The following PLXNC1 variants were observed in gnomAD, a reference collection of about 807,000 sequenced individuals.
The protein encoded by PLXNC1 is plexin C1.
In PLXNC1, 75 loss-of-function variants were observed where a neutral mutation model predicts 178.2. The ratio of observed to expected loss-of-function variants is 0.42; its 90% CI spans 0.35 to 0.51. The LOEUF (loss-of-function observed/expected upper bound fraction) is 0.51. PLXNC1 is among the 20% of genes least tolerant of loss of function. PLXNC1 has a pLI of 0.02. For synonymous variants in PLXNC1, 790 were observed against 779.9 expected, an observed-to-expected ratio of 1.01 and a Z score of -0.22; for missense variants, 1,503 against 1,984.4, an observed-to-expected ratio of 0.76 and a Z score of 4.61.
At chr12:94,223,387 G>A (rs1963848710) in intron 6 of PLXNC1, among the ~76,000 whole-genome samples, 1 of 152,238 alleles carries the variant, frequency 6.6e-6, no homozygotes, top group South Asian at 2.1e-4. Flanking sequence ...GCTATTCTGT[G>A]TTGTGGCCCC....
chr12:94,173,090 A>G (rs1326405598), intron 2 of PLXNC1, among the ~76,000 whole-genome samples: 5 of 152,104 alleles, frequency 3.3e-5, no homozygotes, highest in African/African-American at 7.2e-5. Flanking sequence ...TTTTCGGAAC[A>G]TGATTGCATG....
At chr12:94,196,773 A>G (rs1361622898) in intron 4 of PLXNC1, among the ~76,000 whole-genome samples, 1 of 152,182 alleles carries the variant, frequency 6.6e-6, no homozygotes, top group Admixed American at 6.5e-5. Context: ...TACATTAGAC[A>G]CTACCTTGCA....
chr12:94,244,557 G>A (rs1364137538), intron 12 of PLXNC1, among the ~76,000 whole-genome samples: 1 of 152,208 alleles, frequency 6.6e-6, no homozygotes, highest in Non-Finnish European at 1.5e-5. Flanking sequence ...GAAATGGTAG[G>A]AGGGGTCTGG....
chr12:94,149,196 C>G lies in PLXNC1; in HGVS notation c.225C>G (p.Ser75Arg), dbSNP rs554049878. 1.3e-6 allele frequency: 2 copies of G among 1,587,712 alleles called. No individual in the cohort carries two copies. Among genetic ancestry groups the G allele is most frequent in the African/African-American group, 2.8e-5 (2 of 71,612 alleles). Reference sequence around the variant, plus strand: ...AGCTGGACTACAGCCTGGAGCACAGCCTCTCGCGCCTGTACCGGGACCAAG... The same window carrying G: ...AGCTGGACTACAGCCTGGAGCACAGGCTCTCGCGCCTGTACCGGGACCAAG... ...LDQLDYSLEH[S>R]LSRLYRDQAG... Residue 75 changes from serine (S) to arginine (R), a missense_variant, in exon 1 of 31, where the codon AGC (serine) becomes AGG (arginine). Physicochemically the swap from Ser to Arg is moderately radical, Grantham distance 110. Coordinates refer to ENST00000258526, the MANE Select transcript of PLXNC1 (RefSeq NM_005761.3).
At chr12:94,280,701 A>T (rs959081469) in intron 22 of PLXNC1, among the ~76,000 whole-genome samples, 1 of 152,030 alleles carries the variant, frequency 6.6e-6, no homozygotes, top group Non-Finnish European at 1.5e-5. Context: ...CTGACCCCAG[A>T]CCCCCAGCTT....
chr12:94,212,333 T>C (rs1206790463), intron 5 of PLXNC1, among the ~76,000 whole-genome samples: 5 of 151,676 alleles, frequency 3.3e-5, no homozygotes, highest in Non-Finnish European at 7.4e-5. Context: ...ATTATTGTTA[T>C]TATTTATTAT....
intron 1 of PLXNC1, chr12:94,158,133 C>A (rs549417618): frequency 1.3e-5 from 2 of 152,138 alleles, no homozygotes; most frequent in African/African-American, 4.8e-5. Context: ...GCAAGAGAGA[C>A]GTGACCAAAA....
intron 4 of PLXNC1, among the ~76,000 whole-genome samples, chr12:94,202,912 G>A (rs1245615634): frequency 2.0e-5 from 3 of 152,196 alleles, no homozygotes; most frequent in Non-Finnish European, 4.4e-5. Context: ...CATGTAGACA[G>A]GAGAGTCTGG....
intron 1 of PLXNC1, among the ~76,000 whole-genome samples, chr12:94,152,044 A>G (rs1412336209): frequency 6.6e-6 from 1 of 152,242 alleles, no homozygotes; most frequent in Non-Finnish European, 1.5e-5. Flanking sequence ...GCTGCTATTT[A>G]TCAAGAACTC....
At chr12:94,293,657 C>T (rs542035067) in intron 23 of PLXNC1, among the ~76,000 whole-genome samples, 5 of 152,286 alleles carry the variant, frequency 3.3e-5, no homozygotes, top group African/African-American at 1.2e-4. Context: ...CTCACTCTGT[C>T]GCCCAGGCTG....
chr12:94,265,364 A>C lies in PLXNC1; in HGVS notation c.3597+139A>C. ...GTGTGTTTAGTTAATTAAAAACAGT[A>C]GTTGATAAAACTGTTAACACGTGTT... is the stretch of plus-strand genomic sequence containing the variant. On this transcript the variant is annotated intron_variant, in intron 21 of 30. Transcript: ENST00000258526. 3 of 691,444 alleles carry C rather than the reference A, an allele frequency of 4.3e-6. No individual in the cohort carries two copies. In the South Asian group the frequency reaches 7.3e-5, roughly 17 times the overall value. 42.8% of individuals were successfully genotyped at this position (691,444 alleles called of 1,614,324 possible). A position where few individuals can be genotyped will look rare whatever the true frequency, so the allele number is the denominator to read the frequency against.
intron 20 of PLXNC1, chr12:94,262,802 AAAT>A (rs927359339): frequency 5.9e-5 from 58 of 980,810 alleles, no homozygotes; most frequent in African/African-American, 3.0e-4. Flanking sequence ...TTTGTGGGTA[AAAT>A]AATAATACCA....
At chr12:94,268,657 C>T (rs1367839684) in intron 21 of PLXNC1, among the ~76,000 whole-genome samples, 1 of 138,526 alleles carries the variant, frequency 7.2e-6, no homozygotes, top group Non-Finnish European at 1.5e-5. Flanking sequence ...TGCAGTGGCG[C>T]AGTCTTGGCT....
chr12:94,282,114 C>A, intron 22 of PLXNC1, 184 bp from the exon 23 acceptor site: 1 of 526,696 alleles, frequency 1.9e-6, no homozygotes, highest in Non-Finnish European at 3.3e-6. Context: ...AACATCAGAG[C>A]CCTAAACAAA....
chr12:94,220,495 A>T (rs1963764301), intron 6 of PLXNC1, among the ~76,000 whole-genome samples: 1 of 152,236 alleles, frequency 6.6e-6, no homozygotes, highest in Non-Finnish European at 1.5e-5. Flanking sequence ...CCTGGGTGAG[A>T]TGAGAAATTT....
intron 6 of PLXNC1, among the ~76,000 whole-genome samples, chr12:94,223,583 G>A (rs1306261048): frequency 6.6e-6 from 1 of 152,220 alleles, no homozygotes; most frequent in African/African-American, 2.4e-5. Context: ...GAGCATATAT[G>A]TTTAAAGAGA....
At chr12:94,177,149 G>GTGTATA (rs1422341466) in intron 2 of PLXNC1, among the ~76,000 whole-genome samples, 1 of 91,854 alleles carries the variant, frequency 1.1e-5, no homozygotes, top group African/African-American at 3.6e-5. Flanking sequence ...GTGTGTGTGT[G>GTGTATA]TATATATATA....
rs1333375093 is a variant in PLXNC1 at position 94,305,438 on chromosome 12, T to C, written c.*153T>C. 1.7e-6 allele frequency: 1 copy of C among 591,794 alleles called. No homozygotes were observed. The highest frequency in any genetic ancestry group is 3.0e-6 in the Non-Finnish European group (1 of 330,282). 36.7% of individuals were successfully genotyped at this position (591,794 alleles called of 1,614,324 possible). A position where few individuals can be genotyped will look rare whatever the true frequency, so the allele number is the denominator to read the frequency against. On this transcript the variant is annotated 3_prime_UTR_variant, in exon 31 of 31. Transcript: ENST00000258526. Reference sequence around the variant, plus strand: ...TAAGAGACCAAGGCACATGCACAGCTTTTAGAAAGCATACCAACCCTTGTG... The same window carrying C: ...TAAGAGACCAAGGCACATGCACAGCCTTTAGAAAGCATACCAACCCTTGTG...
chr12:94,207,707 G>A (rs11107440), intron 4 of PLXNC1, among the ~76,000 whole-genome samples: 27,120 of 152,176 alleles, frequency 0.18, 2,550 homozygotes, highest in Middle Eastern at 0.19. Flanking sequence ...ATTAAATACC[G>A]AAATATGTAC....
Sources: gnomAD v4.1 joint callset for allele counts (sites outside exome capture counted in the v4.1 genomes callset) on GRCh38, gnomAD v4.1.1 for gene constraint, MANE v1.5 for transcripts, NCBI Gene and HGNC (gene_info 2026-07-23, HGNC 2026-07-21) for gene names.